Variants in EBF2 observed in about 807,000 individuals in gnomAD.
The protein encoded by EBF2 is EBF transcription factor 2, also known as transcription factor COE2.
Under a neutral mutation model 72.8 loss-of-function variants are expected in EBF2, and 21 were observed. The ratio of observed to expected loss-of-function variants is 0.29; its 90% CI spans 0.20 to 0.42. The LOEUF is 0.42. Among genes scored for constraint, EBF2 ranks in the 10% least tolerant of loss-of-function variants. EBF2 has a pLI of 1.00. For synonymous variants in EBF2, 299 were observed against 274.2 expected (o/e 1.09, Z -0.89); for missense variants, 637 against 731.2 (o/e 0.87, Z 1.49).
At position 25,928,719 on chromosome 8, in the gene EBF2, C is replaced by A. The variant is rs1803429917; in HGVS notation, c.552-20164G>T. ...TTTAAATGAAGTATTTACCAACATTCCTTATACATGTCAGGCACTAGGCTA... is the reference window on the plus strand; with the variant it reads ...TTTAAATGAAGTATTTACCAACATTACTTATACATGTCAGGCACTAGGCTA... On this transcript the variant is annotated intron_variant, in intron 6 of 15. Coordinates refer to ENST00000520164, the MANE Select transcript of EBF2 (RefSeq NM_022659.4). Among the ~76,000 whole-genome samples the A allele has an allele frequency of 2.1e-5, 3 of 145,164 alleles. No individual in the cohort carries two copies. The Admixed American group carries it at 2.1e-4, about 10-fold the overall frequency.
At chr8:25,996,568 A>G (rs563733675) in intron 6 of EBF2, among the ~76,000 whole-genome samples, 74 of 152,136 alleles carry the variant, frequency 4.9e-4, no homozygotes, top group Non-Finnish European at 8.8e-4. Context: ...AGGAAAATGC[A>G]TAGCCCAAAG....
At chr8:25,960,657 G>A (rs764578046) in intron 6 of EBF2, among the ~76,000 whole-genome samples, 4 of 151,904 alleles carry the variant, frequency 2.6e-5, no homozygotes, top group Non-Finnish European at 5.9e-5. Context: ...AGATGAAATG[G>A]CCCACCAAAA....
At chr8:25,860,612 C>T (rs1042667633) in intron 13 of EBF2, among the ~76,000 whole-genome samples, 16 of 152,042 alleles carry the variant, frequency 1.1e-4, no homozygotes, top group African/African-American at 3.6e-4. Flanking sequence ...ACTGCAGCCT[C>T]GACTTCCCAG....
intron 7 of EBF2, among the ~76,000 whole-genome samples, chr8:25,907,559 G>A (rs1803057733): frequency 6.6e-6 from 1 of 151,170 alleles, no homozygotes; most frequent in South Asian, 2.1e-4. Context: ...AACTCCTCCC[G>A]GCTCCTGGCT....
chr8:25,849,964 A>T (rs1190875978), intron 15 of EBF2, among the ~76,000 whole-genome samples: 1 of 152,130 alleles, frequency 6.6e-6, no homozygotes, highest in African/African-American at 2.4e-5. Context: ...CCCTGGGGTG[A>T]CTGGGCATTT....
chr8:25,986,019 A>AAAAAAAG, intron 6 of EBF2, among the ~76,000 whole-genome samples: 2 of 149,740 alleles, frequency 1.3e-5, no homozygotes, highest in Admixed American at 6.7e-5. Context: ...AAAAAAAAAA[A>AAAAAAAG]AAAAAAGTAC....
rs1801790771 is a variant in EBF2 at position 25,844,436 on chromosome 8, C to A, written c.*173G>T. ...GAGGGTCAGTTTGTGTAGCCACCAT[C>A]AGAGCTATAGGAGGACGTGGGACCA... On this transcript the variant is annotated 3_prime_UTR_variant, in exon 16 of 16. Coordinates refer to ENST00000520164, the MANE Select transcript of EBF2 (RefSeq NM_022659.4). The A allele has an allele frequency of 3.1e-6, 2 of 636,324 alleles. No individual in the cohort carries two copies. Among genetic ancestry groups the A allele is most frequent in the Non-Finnish European group, 5.5e-6 (2 of 363,076 alleles). 39.4% of individuals were successfully genotyped at this position (636,324 alleles called of 1,614,324 possible).
chr8:25,854,238 C>CAAAAAAA (rs372818134), intron 14 of EBF2, among the ~76,000 whole-genome samples: 1 of 137,450 alleles, frequency 7.3e-6, no homozygotes, highest in Non-Finnish European at 1.6e-5. Context: ...CCCCCACCTC[C>CAAAAAAA]AAAAAAAAAA....
intron 6 of EBF2, among the ~76,000 whole-genome samples, chr8:25,996,653 G>A (rs1804638628): frequency 6.6e-6 from 1 of 151,928 alleles, no homozygotes; most frequent in Non-Finnish European, 1.5e-5. Context: ...ACTTAAAAGT[G>A]AAATAAACCC....
intron 6 of EBF2, among the ~76,000 whole-genome samples, chr8:25,957,610 C>G (rs1420050209): frequency 6.6e-6 from 1 of 152,196 alleles, no homozygotes; most frequent in Admixed American, 6.5e-5. Context: ...TGCCTGTAAT[C>G]CCAGCAAGCT....
intron 6 of EBF2, among the ~76,000 whole-genome samples, chr8:25,945,224 A>G (rs999717076): frequency 1.3e-5 from 2 of 151,492 alleles, no homozygotes; most frequent in East Asian, 3.9e-4. Context: ...TTCTTCTGCT[A>G]TATCCCCCAA....
At chr8:26,008,381 T>G (rs1221467522) in intron 6 of EBF2, among the ~76,000 whole-genome samples, 1 of 152,186 alleles carries the variant, frequency 6.6e-6, no homozygotes, top group African/African-American at 2.4e-5. Flanking sequence ...AAGCCTCAGC[T>G]GGGAAGGACC....
intron 10 of EBF2, among the ~76,000 whole-genome samples, chr8:25,876,555 T>C (rs751956819): frequency 6.6e-6 from 1 of 152,178 alleles, no homozygotes; most frequent in Non-Finnish European, 1.5e-5. Flanking sequence ...TGAGACCCCC[T>C]TCATGCTCAC....
chr8:25,930,332 C>T (rs960840707), intron 6 of EBF2, among the ~76,000 whole-genome samples: 3 of 152,288 alleles, frequency 2.0e-5, no homozygotes, highest in South Asian at 4.1e-4. Flanking sequence ...AAGTAGAGTT[C>T]GTTACTTCAT....
chr8:26,035,709 C>T (rs1470301694), intron 5 of EBF2, among the ~76,000 whole-genome samples: 1 of 152,122 alleles, frequency 6.6e-6, no homozygotes, highest in Non-Finnish European at 1.5e-5. Flanking sequence ...ATGGTCTCAA[C>T]TTTCTTAAAT....
chr8:25,932,163 C>T (rs995886768), intron 6 of EBF2, among the ~76,000 whole-genome samples: 1 of 152,070 alleles, frequency 6.6e-6, no homozygotes, highest in Non-Finnish European at 1.5e-5. Flanking sequence ...CAGAACTGCA[C>T]ATAACTAGCT....
chr8:25,965,234 A>T (rs553877538), intron 6 of EBF2, among the ~76,000 whole-genome samples: 1 of 152,332 alleles, frequency 6.6e-6, no homozygotes, highest in African/African-American at 2.4e-5. Flanking sequence ...TTTATTTCCC[A>T]AAAGAGCAAT....
chr8:26,040,865 A>AGCGCG, intron 3 of EBF2, 74 bp downstream of exon 3: 1 of 1,597,710 alleles, frequency 6.3e-7, no homozygotes. Flanking sequence ...GAGAGTGATC[A>AGCGCG]TGGCAAGGTC....
chr8:25,963,049 A>G (rs1013710591), intron 6 of EBF2, among the ~76,000 whole-genome samples: 1 of 152,198 alleles, frequency 6.6e-6, no homozygotes, highest in Admixed American at 6.5e-5. Flanking sequence ...TCTCCAAATA[A>G]CAAGTCCAAG....
Sources: allele counts gnomAD v4.1 joint callset (sites outside exome capture counted in the v4.1 genomes callset), GRCh38; gene constraint gnomAD v4.1.1; transcripts MANE v1.5; gene names NCBI Gene and HGNC (gene_info 2026-07-23, HGNC 2026-07-21).